The following LAP3 variants were observed in gnomAD, a reference collection of about 807,000 sequenced individuals.
LAP3 encodes the protein cytosol aminopeptidase.
Under a neutral mutation model 58.8 loss-of-function variants are expected in LAP3, and 46 were observed. The ratio of observed to expected loss-of-function variants is 0.78; its 90% CI spans 0.62 to 1.00. The LOEUF is 1.00. Among genes scored for constraint, LAP3 ranks in the 50% least tolerant of loss-of-function variants. The pLI is 0.00. For missense variants in LAP3, 615 were observed against 659.1 expected, an observed-to-expected ratio of 0.93 and a Z score of 0.73; for synonymous variants, 257 against 237.7, an observed-to-expected ratio of 1.08 and a Z score of -0.75.
intron 10 of LAP3, among the ~76,000 whole-genome samples, chr4:17,603,698 G>C (rs1422784107): frequency 6.6e-6 from 1 of 151,718 alleles, no homozygotes; most frequent in Non-Finnish European, 1.5e-5. Flanking sequence ...ATTTTTAGTA[G>C]AGACAGGGTT....
chr4:17,602,118 G>C (rs1713995238), intron 10 of LAP3, among the ~76,000 whole-genome samples: 1 of 152,160 alleles, frequency 6.6e-6, no homozygotes, highest in Non-Finnish European at 1.5e-5. Context: ...TTTCAGTGCT[G>C]CCTCCTCTGA....
intron 1 of LAP3, among the ~76,000 whole-genome samples, chr4:17,578,121 C>T (rs1160896053): frequency 6.6e-6 from 1 of 152,204 alleles, no homozygotes; most frequent in Non-Finnish European, 1.5e-5. Context: ...CAAAAAATTA[C>T]GAAGGTCGCT....
rs535856228 is a variant in LAP3 at position 17,597,434 on chromosome 4, G to A, written c.1077+300G>A. ...TGGGACCACAGGTGCGTGCCACCAT[G>A]CCTGGCTAGCTTTTTGTAGACACAG... On this transcript the variant is annotated intron_variant, in intron 9 of 12. Coordinates refer to ENST00000226299, the MANE Select transcript of LAP3 (RefSeq NM_015907.3). 1.8e-4 allele frequency among the ~76,000 whole-genome samples: 27 copies of A among 152,246 alleles called. 1 individual carries two copies. The South Asian group carries it at 3.5e-3, about 20-fold the overall frequency.
chr4:17,579,993 A>G, intron 2 of LAP3, 54 bp downstream of exon 2: 1 of 1,070,922 alleles, frequency 9.3e-7, no homozygotes, highest in East Asian at 2.5e-5. Flanking sequence ...TCGAAACAGT[A>G]TTTTTTCTTT....
intron 7 of LAP3, 79 bp downstream of exon 7, chr4:17,589,056 TG>T (rs1482669824): frequency 2.8e-6 from 4 of 1,422,682 alleles, no homozygotes; most frequent in Non-Finnish European, 2.8e-6. Context: ...TAGGGTTTTT[TG>T]GTTTGATTTT....
At chr4:17,593,416 G>A (rs1047633062) in intron 7 of LAP3, among the ~76,000 whole-genome samples, 3 of 151,834 alleles carry the variant, frequency 2.0e-5, no homozygotes, top group Non-Finnish European at 2.9e-5. Context: ...GAAATCAGTT[G>A]TCCATATAAT....
intron 4 of LAP3, among the ~76,000 whole-genome samples, chr4:17,583,102 A>G (rs1229249806): frequency 1.3e-5 from 2 of 152,200 alleles, no homozygotes; most frequent in Non-Finnish European, 2.9e-5. Context: ...TTTGGATATA[A>G]TTTCAGCGTC....
At position 17,606,887 on chromosome 4, in the gene LAP3, G is replaced by A. The variant is rs1296568856; in HGVS notation, c.1319G>A (p.Arg440Lys). The A allele has an allele frequency of 1.2e-6, 2 of 1,613,720 alleles. No homozygotes were observed. ...ATGCCTCTCTTCGAACATTATACAA[G>A]ACAGGTTGTAGATTGCCAGCTTGCT... is the stretch of plus-strand genomic sequence containing the variant. Reference protein sequence around the residue: ...WRMPLFEHYTRQVVDCQLADV... With the variant: ...WRMPLFEHYTKQVVDCQLADV... The change falls in exon 12 of 13, where the codon AGA becomes AAA. Residue 440 changes from arginine (R) to lysine (K), a missense_variant. Arg to Lys is a conservative substitution (Grantham distance 26, BLOSUM62 2). Transcript: ENST00000226299.
intron 10 of LAP3, among the ~76,000 whole-genome samples, chr4:17,598,946 C>T (rs745677446): frequency 6.6e-6 from 1 of 151,958 alleles, no homozygotes; most frequent in African/African-American, 2.4e-5. Flanking sequence ...CCATGTTAGC[C>T]AGGCTGGTTT....
Position 17,577,404 on chromosome 4 carries a change from G to A in LAP3, c.-62G>A. The A allele has an allele frequency of 7.6e-7, 1 of 1,322,228 alleles. No individual in the cohort carries two copies. 81.9% of individuals were successfully genotyped at this position (1,322,228 alleles called of 1,614,324 possible). ...CGCCCCGAAAGCCCCGCCCCAAGGC[G>A]CGCCCGCCCACCGCTCTCCACGTGC... is the stretch of plus-strand genomic sequence containing the variant. On this transcript the variant is annotated 5_prime_UTR_variant, in exon 1 of 13. Coordinates refer to ENST00000226299, the MANE Select transcript of LAP3 (RefSeq NM_015907.3).
At position 17,577,511 on chromosome 4, in the gene LAP3, C is replaced by T; in HGVS notation, c.46C>T (p.Arg16Cys). 6.3e-7 allele frequency: 1 copy of T among 1,586,934 alleles called. No homozygotes were observed. The highest frequency in any genetic ancestry group is 1.1e-5 in the South Asian group (1 of 87,234). Reference protein sequence around the residue: ...LPAAGRVVVRRLAVRRFGSRS... With the variant: ...LPAAGRVVVRCLAVRRFGSRS... ...GGCTGCGGGGCGAGTAGTCGTCCGACGTCTGGCCGTGAGACGTTTCGGGAG... is the reference window on the plus strand; with the variant it reads ...GGCTGCGGGGCGAGTAGTCGTCCGATGTCTGGCCGTGAGACGTTTCGGGAG... Residue 16 changes from arginine (R) to cysteine (C), a missense_variant, in exon 1 of 13, where the codon CGT becomes TGT. Physicochemically the swap from Arg to Cys is radical, Grantham distance 180. Coordinates refer to ENST00000226299, the MANE Select transcript of LAP3 (RefSeq NM_015907.3).
Position 17,577,553 on chromosome 4 carries a change from G to A in LAP3, c.88G>A (p.Ala30Thr), listed in dbSNP as rs759168500. 99 of 1,563,018 alleles carry A rather than the reference G, an allele frequency of 6.3e-5. No homozygotes were observed. The highest frequency in any genetic ancestry group is 8.3e-5 in the Non-Finnish European group (96 of 1,155,182). The change falls in exon 1 of 13, where the codon GCA (alanine) becomes ACA (threonine). Residue 30 changes from alanine to threonine, a missense_variant. Coordinates refer to ENST00000226299, the MANE Select transcript of LAP3 (RefSeq NM_015907.3). ...RRFGSRSLSTADMTKGLVLGI... is the reference protein window; with the variant it reads ...RRFGSRSLSTTDMTKGLVLGI... ...TTTCGGGAGCCGGAGTCTCTCCACC[G>A]CAGACATGACGAAGGTGAGAGGCGG...
At position 17,593,759 on chromosome 4, in the gene LAP3, C is replaced by T. The variant is rs556301159; in HGVS notation, c.864-1651C>T. Among the ~76,000 whole-genome samples, 35 of 151,832 alleles carry T rather than the reference C, an allele frequency of 2.3e-4. No homozygotes were observed. In the East Asian group the frequency reaches 2.5e-3, roughly 11 times the overall value. On this transcript the variant is annotated intron_variant, in intron 7 of 12. Transcript: ENST00000226299. The stretch of plus-strand genomic sequence containing the variant: ...TCCCGAGTAGCTGGGACTACAGATG[C>T]GAACCACTATGCCCAGCTAATTTTT...
chr4:17,590,277 G>A (rs1165815447), intron 7 of LAP3, among the ~76,000 whole-genome samples: 3 of 152,134 alleles, frequency 2.0e-5, no homozygotes, highest in Non-Finnish European at 2.9e-5. Context: ...AGAACCATAC[G>A]ATGTTGATGT....
chr4:17,577,442 G>T lies in LAP3; in HGVS notation c.-24G>T, dbSNP rs1279336157. ...GCTCTCCACGTGCTCGCTGGAGGGC[G>T]GTGCGAGGGGCCGAGCCGACAAGAT... On this transcript the variant is annotated 5_prime_UTR_variant, in exon 1 of 13. Coordinates refer to ENST00000226299, the MANE Select transcript of LAP3 (RefSeq NM_015907.3). The T allele has an allele frequency of 4.6e-6, 7 of 1,523,318 alleles. 1 individual carries two copies. The highest frequency in any genetic ancestry group is 2.3e-4 in the Middle Eastern group (1 of 4,300). 94.4% of individuals were successfully genotyped at this position (1,523,318 alleles called of 1,614,324 possible). A position where few individuals can be genotyped will look rare whatever the true frequency, so the allele number is the denominator to read the frequency against.
Position 17,601,517 on chromosome 4 carries a change from AATAATTAT to A in LAP3, c.1180+2964_1180+2971del, listed in dbSNP as rs547980566. On this transcript the variant is annotated intron_variant, in intron 10 of 12. Coordinates refer to ENST00000226299, the MANE Select transcript of LAP3 (RefSeq NM_015907.3). Reference sequence around the variant, plus strand: ...GACTGAAATATTTTGAGGACAAGTGAATAATTATATAAAAAACCACTAACTTGTAAAGT... The same window carrying A: ...GACTGAAATATTTTGAGGACAAGTGAATAAAAAACCACTAACTTGTAAAGT... Among the ~76,000 whole-genome samples the A allele has an allele frequency of 2.6e-3, 394 of 152,290 alleles. 2 individuals are homozygous for A. Among genetic ancestry groups the A allele is most frequent in the African/African-American group, 8.8e-3 (366 of 41,552 alleles).
At chr4:17,593,498 T>C (rs1353017651) in intron 7 of LAP3, among the ~76,000 whole-genome samples, 2 of 135,690 alleles carry the variant, frequency 1.5e-5, no homozygotes, top group Non-Finnish European at 3.3e-5. Flanking sequence ...TACTGCAGCT[T>C]TGAGTAGGCT....
At chr4:17,583,344 G>T in intron 4 of LAP3, 139 bp from the exon 5 acceptor site, 1 of 850,886 alleles carries the variant, frequency 1.2e-6, no homozygotes, top group Admixed American at 2.3e-5. Flanking sequence ...GAGGAAATGA[G>T]GCTCAGAACA....
rs768285938 is a variant in LAP3 at position 17,579,937 on chromosome 4, C to T, written c.216C>T (p.Asn72=). ...LLAGKLRETL[N]ISGPPLKAGK... is the part of the protein sequence containing the mutation. Reference sequence around the variant, plus strand: ...CTGGAAAGCTGAGAGAGACTTTGAACATGTAAGTGTTGCTTGTGGGCTCTA... The same window carrying T: ...CTGGAAAGCTGAGAGAGACTTTGAATATGTAAGTGTTGCTTGTGGGCTCTA... The change falls in exon 2 of 13, where the codon AAC becomes AAT. Residue 72 remains asparagine, a splice_region_variant and synonymous_variant. Transcript: ENST00000226299. 3.9e-5 allele frequency: 61 copies of T among 1,568,594 alleles called. No individual in the cohort carries two copies. In the Admixed American group the frequency reaches 1.0e-3, roughly 26 times the overall value.
Sources: gnomAD v4.1 joint callset for allele counts (sites outside exome capture counted in the v4.1 genomes callset) on GRCh38, gnomAD v4.1.1 for gene constraint, MANE v1.5 for transcripts, NCBI Gene and HGNC (gene_info 2026-07-23, HGNC 2026-07-21) for gene names.